The following GINS2 variants were observed in gnomAD, a reference collection of about 807,000 sequenced individuals.
GINS2 encodes DNA replication complex GINS protein PSF2.
A neutral mutation model predicts 21.2 loss-of-function variants in GINS2; 23 were observed. The ratio of observed to expected loss-of-function variants is 1.08; its 90% CI spans 0.78 to 1.53. GINS2 has a LOEUF of 1.53. Among genes scored for constraint, GINS2 ranks in the 40% most tolerant of loss-of-function variants. GINS2 has a pLI of 0.00. For synonymous variants in GINS2, 118 were observed against 85.6 expected, an observed-to-expected ratio of 1.38 and a Z score of -2.09; for missense variants, 323 against 233.9, an observed-to-expected ratio of 1.38 and a Z score of -2.49.
At chr16:85,678,421 C>G in intron 4 of GINS2, 84 bp from the exon 5 acceptor site, 1 of 1,561,428 alleles carries the variant, frequency 6.4e-7, no homozygotes, top group South Asian at 1.1e-5. Context: ...AAATAAGAAA[C>G]CAATGAACTG....
intron 2 of GINS2, among the ~76,000 whole-genome samples, chr16:85,683,865 C>A (rs1448863883): frequency 1.3e-5 from 2 of 152,214 alleles, no homozygotes; most frequent in Non-Finnish European, 1.5e-5. Flanking sequence ...GGACATGGAA[C>A]AATGGGAACT....
At chr16:85,687,970 C>G (rs956676841) in intron 1 of GINS2, 2 of 159,770 alleles carry the variant, frequency 1.3e-5, no homozygotes, top group African/African-American at 4.8e-5. Flanking sequence ...AGGCGCCTCC[C>G]TCATACTGAA....
intron 2 of GINS2, among the ~76,000 whole-genome samples, chr16:85,682,652 T>A (rs1252859192): frequency 2.0e-5 from 3 of 152,074 alleles, no homozygotes; most frequent in Admixed American, 6.5e-5. Context: ...AGGCATGACA[T>A]CCTAGAGGGG....
intron 3 of GINS2, 68 bp downstream of exon 3, chr16:85,681,514 G>T (rs73253274): frequency 0.025 from 22,262 of 907,356 alleles, 1,302 homozygotes; most frequent in East Asian, 0.16. Flanking sequence ...GAGGAAGGAC[G>T]AGGGTTAGGG....
intron 2 of GINS2, among the ~76,000 whole-genome samples, chr16:85,682,558 G>T (rs11117249): frequency 6.7e-6 from 1 of 149,066 alleles, no homozygotes; most frequent in African/African-American, 2.5e-5. Flanking sequence ...TGGCCTGGGC[G>T]CGATACAATA....
At chr16:85,687,003 C>T (rs2053783008) in intron 2 of GINS2, among the ~76,000 whole-genome samples, 1 of 152,230 alleles carries the variant, frequency 6.6e-6, no homozygotes, top group Non-Finnish European at 1.5e-5. Context: ...GGCCAGATCG[C>T]TTGACCCCAG....
chr16:85,682,093 C>T (rs1039505297), intron 2 of GINS2, among the ~76,000 whole-genome samples: 5 of 132,568 alleles, frequency 3.8e-5, no homozygotes, highest in Non-Finnish European at 7.8e-5. Flanking sequence ...GTGGCACCAT[C>T]ACAGCTCACT....
At chr16:85,681,752 C>T (rs2053735319) in intron 2 of GINS2, 71 bp from the exon 3 acceptor site, 1 of 913,300 alleles carries the variant, frequency 1.1e-6, no homozygotes, top group South Asian at 1.5e-5. Context: ...CCAAATTTAC[C>T]AAGTGCCTAT....
intron 3 of GINS2, 88 bp from the exon 4 acceptor site, chr16:85,678,754 C>A: frequency 1.0e-5 from 13 of 1,275,932 alleles, no homozygotes; most frequent in Non-Finnish European, 1.4e-5. Context: ...GGCAAAATAC[C>A]GTGGCTATTC....
intron 3 of GINS2, 25 bp from the exon 4 acceptor site, chr16:85,678,691 G>T (rs200342584): frequency 8.7e-6 from 14 of 1,607,936 alleles, no homozygotes; most frequent in African/African-American, 2.7e-5. Flanking sequence ...GCTAAAGTCA[G>T]TCGGGGAACA....
intron 3 of GINS2, among the ~76,000 whole-genome samples, chr16:85,679,188 T>C (rs563425235): frequency 4.6e-5 from 7 of 152,146 alleles, no homozygotes; most frequent in Non-Finnish European, 8.8e-5. Context: ...ACAAAAGCCC[T>C]GAAGGGAAGG....
rs1177431140 is a variant in GINS2, at chr16:85,686,375, A to G, written c.205+1085T>C. Among the ~76,000 whole-genome samples, 9 of 151,538 alleles carry G rather than the reference A, an allele frequency of 5.9e-5. No homozygotes were observed. The East Asian group carries it at 1.7e-3, about 29-fold the overall frequency. ...GGAGCTTGCAGTGAGCCGAGATCGC[A>G]CCACTGCACTCCAGCCTGGGCGACA... is the stretch of plus-strand genomic sequence containing the variant. On this transcript the variant is annotated intron_variant, in intron 2 of 4. Transcript: ENST00000253462.
chr16:85,678,422 C>A, intron 4 of GINS2, 85 bp from the exon 5 acceptor site: 1 of 1,559,770 alleles, frequency 6.4e-7, no homozygotes, highest in South Asian at 1.1e-5. Flanking sequence ...AATAAGAAAC[C>A]AATGAACTGT....
chr16:85,678,184 C>T lies in GINS2; in HGVS notation c.*28G>A, dbSNP rs772302722. On this transcript the variant is annotated 3_prime_UTR_variant, in exon 5 of 5. Transcript: ENST00000253462. ...TCACGTCCTGAGCGCTCACATCCCC[C>T]AGCAAGCCGCCTGCACCAGGCCTTT... 1.1e-5 allele frequency: 17 copies of T among 1,609,366 alleles called. No homozygotes were observed. The African/African-American group carries it at 1.7e-4, about 16-fold the overall frequency.
chr16:85,682,611 C>T (rs1010051252), intron 2 of GINS2, among the ~76,000 whole-genome samples: 3 of 151,666 alleles, frequency 2.0e-5, no homozygotes, highest in African/African-American at 7.3e-5. Flanking sequence ...GATACAATAT[C>T]CTAGAGGGCT....
In GINS2 at chr16:85,682,865, C is replaced by T. The variant is rs1039417408; in HGVS notation, c.206-1184G>A. Among the ~76,000 whole-genome samples the T allele has an allele frequency of 2.0e-5, 3 of 152,266 alleles. No individual in the cohort carries two copies. The South Asian group carries it at 6.2e-4, about 32-fold the overall frequency. ...ATTGTAAACGGCCAACTACCCATCC[C>T]CAGGGCCCTTGGTGCCGTCCTGCAA... On this transcript the variant is annotated intron_variant, in intron 2 of 4. Coordinates refer to ENST00000253462, the MANE Select transcript of GINS2 (RefSeq NM_016095.3).
chr16:85,687,956 G>A lies in GINS2; in HGVS notation c.91-382C>T, dbSNP rs1457905257. On this transcript the variant is annotated intron_variant, in intron 1 of 4. Transcript: ENST00000253462. ...GCCCTCCTTCTCCAGGACTCCCAGC[G>A]CCGAGGCGCCTCCCTCATACTGAAA... The A allele has an allele frequency of 3.7e-5, 6 of 161,980 alleles. No homozygotes were observed. In the East Asian group the frequency reaches 8.6e-4, roughly 23 times the overall value. 10.0% of individuals were successfully genotyped at this position (161,980 alleles called of 1,614,324 possible). A position where few individuals can be genotyped will look rare whatever the true frequency, so the allele number is the denominator to read the frequency against.
intron 2 of GINS2, among the ~76,000 whole-genome samples, chr16:85,682,241 C>T (rs1478654918): frequency 1.3e-5 from 2 of 152,074 alleles, no homozygotes; most frequent in Admixed American, 6.5e-5. Context: ...TCTCAAACTC[C>T]TGTGCTCAAG....
At chr16:85,688,711 G>T in intron 1 of GINS2, 98 bp downstream of exon 1, 1 of 559,504 alleles carries the variant, frequency 1.8e-6, no homozygotes, top group South Asian at 2.9e-5. Flanking sequence ...GCAGATGCGG[G>T]AGCAGGGCGA....
Sources: allele counts gnomAD v4.1 joint callset (sites outside exome capture counted in the v4.1 genomes callset), GRCh38; gene constraint gnomAD v4.1.1; transcripts MANE v1.5; gene names NCBI Gene and HGNC (gene_info 2026-07-23, HGNC 2026-07-21).